Variants in ANKRD11 observed in about 807,000 individuals in gnomAD.
ANKRD11 encodes the protein ankyrin repeat domain-containing protein 11.
In ANKRD11, 17 loss-of-function variants were observed where a neutral mutation model predicts 195.7. The ratio of observed to expected loss-of-function variants is 0.09; its 90% CI spans 0.06 to 0.13. The LOEUF is 0.13. ANKRD11 is among the 10% of genes least tolerant of loss of function. ANKRD11 has a pLI of 1.00. For missense variants in ANKRD11, 3,735 were observed against 3,566.1 expected, an observed-to-expected ratio of 1.05 and a Z score of -1.21; for synonymous variants, 1,953 against 1,528.1, an observed-to-expected ratio of 1.28 and a Z score of -6.49.
In ANKRD11 at chr16:89,279,865, A is replaced by ACCGTCT. The variant is rs764722888; in HGVS notation, c.6671_6676dup (p.Glu2224_Thr2225dup). On this transcript the variant is annotated inframe_insertion, in exon 9 of 13. Transcript: ENST00000301030. The surrounding 1 kb of genome is among the most constrained non-coding windows in gnomAD (Gnocchi z 5.6). ...ATCCCCACGGGCCCTCTCTTCCGGC[A>ACCGTCT]CCGTCTCCGCCTCCACCGCAGCTTC... The ACCGTCT allele has an allele frequency of 3.1e-5, 49 of 1,562,704 alleles. 2 individuals are homozygous for ACCGTCT. The South Asian group carries it at 5.5e-4, about 17-fold the overall frequency.
chr16:89,403,745 C>G (rs572929148), intron 2 of ANKRD11: 1 of 152,224 alleles, frequency 6.6e-6, no homozygotes, highest in South Asian at 2.1e-4. Context: ...ATCTGGGCAA[C>G]AGAGCAAGCC....
chr16:89,278,983 G>A (rs1259609429), intron 9 of ANKRD11, 89 bp downstream of exon 9: 4 of 1,558,942 alleles, frequency 2.6e-6, no homozygotes, highest in East Asian at 2.4e-5. Context: ...CCATGAGTGG[G>A]ACAAGACGGG....
intron 1 of ANKRD11, among the ~76,000 whole-genome samples, chr16:89,477,598 C>A (rs2057301985): frequency 6.6e-6 from 1 of 150,868 alleles, no homozygotes; most frequent in African/African-American, 2.4e-5. Context: ...CTCAGGTGAT[C>A]CACCCGCTTC....
In ANKRD11 at chr16:89,283,267, G is replaced by C; in HGVS notation, c.3275C>G (p.Pro1092Arg). The change falls in exon 9 of 13, where the codon CCT (proline) becomes CGT (arginine). Residue 1092 changes from proline (P) to arginine (R), a missense_variant. Transcript: ENST00000301030. This position sits in a 1 kb window ranked among gnomAD's most constrained non-coding sequence, Gnocchi z 4.3. ...AGAGAAGTCTTCTGAGATGATCCCA[G>C]GGAAAGCCTTCTCCTTCTTCTCTTT... is the stretch of plus-strand genomic sequence containing the variant. ...QGKEKKEKAF[P>R]GIISEDFSEK... is the part of the protein sequence containing the mutation. 6.2e-7 allele frequency: 1 copy of C among 1,614,078 alleles called. No individual in the cohort carries two copies. The highest frequency in any genetic ancestry group is 8.5e-7 in the Non-Finnish European group (1 of 1,180,032).
chr16:89,413,934 T>A (rs2042196616), intron 2 of ANKRD11, among the ~76,000 whole-genome samples: 1 of 151,994 alleles, frequency 6.6e-6, no homozygotes. Context: ...ACCTCCAACC[T>A]GGCCACCCAG....
intron 4 of ANKRD11, among the ~76,000 whole-genome samples, chr16:89,304,693 C>T (rs1394372398): frequency 6.6e-6 from 1 of 152,044 alleles, no homozygotes; most frequent in African/African-American, 2.4e-5. Flanking sequence ...CACAGGCATA[C>T]ACACTTGGGC....
Position 89,374,152 on chromosome 16 carries a change from C to T in ANKRD11, c.-60+44132G>A, listed in dbSNP as rs1320848302. Among the ~76,000 whole-genome samples the T allele has an allele frequency of 3.3e-5, 5 of 152,166 alleles. No individual in the cohort carries two copies. In the South Asian group the frequency reaches 8.3e-4, roughly 25 times the overall value. ...CACCCTCCCCTCTCCCCATGACATC[C>T]CTTAAAGAGATCCTTTATTCACGGC... On this transcript the variant is annotated intron_variant, in intron 2 of 12. Coordinates refer to ENST00000301030, the MANE Select transcript of ANKRD11 (RefSeq NM_013275.6).
intron 2 of ANKRD11, among the ~76,000 whole-genome samples, chr16:89,407,648 C>CA (rs1231346102): frequency 1.3e-5 from 2 of 151,998 alleles, no homozygotes; most frequent in East Asian, 3.8e-4. Flanking sequence ...CGGCGAGACG[C>CA]CGTCTCTATC....
intron 1 of ANKRD11, among the ~76,000 whole-genome samples, chr16:89,489,905 G>C (rs1597580326): frequency 2.2e-5 from 2 of 92,472 alleles, no homozygotes; most frequent in South Asian, 4.3e-4. Flanking sequence ...ACCCAGGCCC[G>C]CCCGGAGCCC....
intron 2 of ANKRD11, among the ~76,000 whole-genome samples, chr16:89,366,567 C>T (rs2039959552): frequency 1.3e-5 from 2 of 152,342 alleles, no homozygotes; most frequent in East Asian, 1.9e-4. Context: ...CCAGTTTTCA[C>T]GATCAGCTGG....
chr16:89,362,334 T>C (rs2039766490), intron 2 of ANKRD11, among the ~76,000 whole-genome samples: 1 of 152,178 alleles, frequency 6.6e-6, no homozygotes, highest in Non-Finnish European at 1.5e-5. Flanking sequence ...TCACGACACC[T>C]TGCACAGCCC....
intron 2 of ANKRD11, among the ~76,000 whole-genome samples, chr16:89,413,814 C>T (rs1427504148): frequency 5.3e-5 from 8 of 152,126 alleles, no homozygotes; most frequent in African/African-American, 1.7e-4. Flanking sequence ...ACTCCCACAA[C>T]GCCCTAGGAT....
chr16:89,349,419 A>G (rs932336122), intron 2 of ANKRD11, among the ~76,000 whole-genome samples: 6 of 151,972 alleles, frequency 3.9e-5, no homozygotes, highest in Non-Finnish European at 5.9e-5. Flanking sequence ...GGCGGAGCTT[A>G]CAGTGAGCTG....
chr16:89,454,823 G>C (rs1329446668), intron 1 of ANKRD11, among the ~76,000 whole-genome samples: 1 of 74,856 alleles, frequency 1.3e-5, no homozygotes, highest in Non-Finnish European at 2.7e-5. Context: ...GTGCTTCCAG[G>C]GTTCCTCAAG....
Position 89,270,835 on chromosome 16 carries a change from G to A in ANKRD11, c.7788C>T (p.Asp2596=). The A allele has an allele frequency of 6.2e-7, 1 of 1,613,966 alleles. No homozygotes were observed. The highest frequency in any genetic ancestry group is 8.5e-7 in the Non-Finnish European group (1 of 1,180,004). Residue 2596 remains aspartate (D), a synonymous_variant, in exon 12 of 13, where the codon GAC becomes GAT. Coordinates refer to ENST00000301030, the MANE Select transcript of ANKRD11 (RefSeq NM_013275.6). ...QFISWLQDVD[D]KYDRMKTCLL... ...CACCGACCTTCATGCGGTCATACTT[G>A]TCATCCACGTCCTGGAGCCAGGAGA... is the stretch of plus-strand genomic sequence containing the variant.
chr16:89,313,309 C>T, intron 3 of ANKRD11: 1 of 1,287,024 alleles, frequency 7.8e-7, no homozygotes, highest in Non-Finnish European at 1.0e-6. Context: ...CTCTGTAGCC[C>T]TGCACACCTT....
At chr16:89,470,478 G>T (rs1192905162) in intron 1 of ANKRD11, among the ~76,000 whole-genome samples, 1 of 151,968 alleles carries the variant, frequency 6.6e-6, no homozygotes, top group African/African-American at 2.4e-5. Flanking sequence ...CAGACTAAAC[G>T]TAGGTAGGGA....
At chr16:89,271,073 C>T (rs1471054175) in intron 11 of ANKRD11, 164 bp from the exon 12 acceptor site, 4 of 697,130 alleles carry the variant, frequency 5.7e-6, no homozygotes, top group African/African-American at 1.8e-5. Context: ...ATGGCAGGCG[C>T]ACCCTGCCCA....
chr16:89,379,527 G>A (rs1597210797), intron 2 of ANKRD11, among the ~76,000 whole-genome samples: 3 of 152,112 alleles, frequency 2.0e-5, no homozygotes, highest in South Asian at 4.1e-4. Flanking sequence ...TTGCTCTGTC[G>A]CCCAGACAGA....
Sources: gnomAD v4.1 joint callset for allele counts (sites outside exome capture counted in the v4.1 genomes callset) on GRCh38, gnomAD v4.1.1 for gene constraint, Gnocchi (gnomAD v3.1) non-coding constraint, MANE v1.5 for transcripts, NCBI Gene and HGNC (gene_info 2026-07-23, HGNC 2026-07-21) for gene names.